Variants in PDE4D observed in about 807,000 individuals in gnomAD.
PDE4D encodes the protein 3',5'-cyclic-AMP phosphodiesterase 4D.
A neutral mutation model predicts 87.4 loss-of-function variants in PDE4D; 24 were observed. That is an observed-to-expected ratio of 0.27 (90% CI 0.20 to 0.39). The LOEUF (loss-of-function observed/expected upper bound fraction) is 0.39, where lower values mean the gene tolerates loss of function less well. Ranked by LOEUF, PDE4D falls within the 10% of genes least tolerant of loss-of-function variation. The pLI is 1.00. For missense variants in PDE4D, 714 were observed against 1,041.0 expected (o/e 0.69, Z 4.32); for synonymous variants, 384 against 383.2 (o/e 1.00, Z -0.02).
chr5:60,038,499 C>G (rs1414950318), intron 2 of PDE4D, among the ~76,000 whole-genome samples: 6 of 151,998 alleles, frequency 3.9e-5, no homozygotes, highest in South Asian at 2.1e-4. Flanking sequence ...TGTTTTGGTA[C>G]CAGTACCATG....
chr5:59,583,662 C>T (rs940647215), intron 1 of PDE4D, among the ~76,000 whole-genome samples: 1 of 152,184 alleles, frequency 6.6e-6, no homozygotes, highest in Admixed American at 6.5e-5. Context: ...AACTTTAACT[C>T]ATAACTGATA....
chr5:58,981,679 A>G (rs942423510), intron 11 of PDE4D, among the ~76,000 whole-genome samples: 2 of 152,140 alleles, frequency 1.3e-5, no homozygotes, highest in African/African-American at 4.8e-5. Context: ...ACCTTCTTTT[A>G]CTACTCATTC....
rs1354697010 is a variant in PDE4D, at chr5:59,256,875, G to A, written c.456-40907C>T. ...ATTATATAACCTCTATAGATGAAAA[G>A]TATGGCATACGAGTTATATCTCAAT... On this transcript the variant is annotated intron_variant, in intron 1 of 14. Transcript: ENST00000340635. 2.0e-5 allele frequency among the ~76,000 whole-genome samples: 3 copies of A among 152,026 alleles called. No homozygotes were observed. The South Asian group carries it at 6.2e-4, about 32-fold the overall frequency.
chr5:60,022,459 C>T (rs1050691179), intron 2 of PDE4D: 20 of 152,106 alleles, frequency 1.3e-4, no homozygotes, highest in Admixed American at 2.6e-4. Context: ...TAAATGTTTT[C>T]CTTTAATCAT....
Position 59,298,139 on chromosome 5 carries a change from CAG to C in PDE4D, c.456-82173_456-82172del, listed in dbSNP as rs745396713. On this transcript the variant is annotated intron_variant, in intron 1 of 14. Transcript: ENST00000340635. ...TTTTTTTTTTTTTTTTTTTTTGAGACAGAGTGTCACTCTGTTGTCTAGGTTGG... is the reference window on the plus strand; with the variant it reads ...TTTTTTTTTTTTTTTTTTTTTGAGACAGTGTCACTCTGTTGTCTAGGTTGG... 7.7e-3 allele frequency among the ~76,000 whole-genome samples: 944 copies of C among 122,198 alleles called. 10 individuals are homozygous for C. Among genetic ancestry groups the C allele is most frequent in the Non-Finnish European group, 0.012 (712 of 58,390 alleles). The allele number at this position is 122,198 out of a possible 152,430, so 80.2% of individuals were successfully genotyped here. A position where few individuals can be genotyped will look rare whatever the true frequency, so the allele number is the denominator to read the frequency against.
At chr5:59,618,470 CG>C (rs1829972151) in intron 1 of PDE4D, among the ~76,000 whole-genome samples, 1 of 152,102 alleles carries the variant, frequency 6.6e-6, no homozygotes, top group South Asian at 2.1e-4. Context: ...GAACAGGCGT[CG>C]GGTTCTGATG....
At chr5:59,599,500 C>T (rs144362616) in intron 1 of PDE4D, among the ~76,000 whole-genome samples, 151 of 152,080 alleles carry the variant, frequency 9.9e-4, no homozygotes, top group African/African-American at 3.3e-3. Flanking sequence ...CTTGGTCTCC[C>T]AAAGTGTAAA....
At chr5:59,470,632 T>A (rs1467089396) in intron 1 of PDE4D, among the ~76,000 whole-genome samples, 1 of 152,224 alleles carries the variant, frequency 6.6e-6, no homozygotes. Flanking sequence ...TCTTGAGCTA[T>A]TTTTATCTGA....
intron 2 of PDE4D, among the ~76,000 whole-genome samples, chr5:60,114,013 C>A (rs1172217046): frequency 6.6e-6 from 1 of 152,060 alleles, no homozygotes. Context: ...TACCTAATAA[C>A]AGTGGAAAAT....
At chr5:59,940,509 G>T (rs965625027) in intron 3 of PDE4D, among the ~76,000 whole-genome samples, 7 of 152,112 alleles carry the variant, frequency 4.6e-5, no homozygotes, top group African/African-American at 1.7e-4. Context: ...AATATGATGG[G>T]GTGGGGTGAT....
intron 2 of PDE4D, among the ~76,000 whole-genome samples, chr5:60,167,569 C>A (rs1374292829): frequency 6.6e-6 from 1 of 152,102 alleles, no homozygotes; most frequent in East Asian, 1.9e-4. Flanking sequence ...TTTACAGATT[C>A]TTTTTCTGCT....
chr5:59,239,580 G>T (rs1429945581), intron 1 of PDE4D, among the ~76,000 whole-genome samples: 1 of 152,080 alleles, frequency 6.6e-6, no homozygotes, highest in Non-Finnish European at 1.5e-5. Flanking sequence ...TACTATGCCG[G>T]ATAAAGCAAT....
intron 1 of PDE4D, among the ~76,000 whole-genome samples, chr5:60,209,187 C>CTTTTTTTTTT (rs58524375): frequency 2.3e-4 from 25 of 108,488 alleles, no homozygotes; most frequent in South Asian, 3.0e-4. Flanking sequence ...TTCTTTTTTT[C>CTTTTTTTTTT]TTTTTTTTTT....
At chr5:59,590,000 GA>G (rs1234454843) in intron 1 of PDE4D, among the ~76,000 whole-genome samples, 2 of 151,852 alleles carry the variant, frequency 1.3e-5, no homozygotes, top group African/African-American at 2.4e-5. Context: ...AGATAGCAAA[GA>G]AAAAACTGTA....
chr5:59,110,994 G>A (rs1304826734), intron 5 of PDE4D, among the ~76,000 whole-genome samples: 1 of 152,182 alleles, frequency 6.6e-6, no homozygotes, highest in Non-Finnish European at 1.5e-5. Context: ...TTATGACATT[G>A]CTCCTGTCAA....
At chr5:59,489,802 C>T (rs1192022929) in intron 1 of PDE4D, among the ~76,000 whole-genome samples, 1 of 152,146 alleles carries the variant, frequency 6.6e-6, no homozygotes. Flanking sequence ...TTGACAATAT[C>T]ATGCAATTTT....
rs951256967 is a variant in PDE4D at position 59,717,239 on chromosome 5, T to C, written c.455+175929A>G. ...TCATTTACCATGACCATCAGGCATC[T>C]GCAGGGCCTTGACCTGGAAAAGCTG... On this transcript the variant is annotated intron_variant, in intron 1 of 14. Transcript: ENST00000340635. Among the ~76,000 whole-genome samples the C allele has an allele frequency of 3.9e-5, 6 of 152,320 alleles. No individual in the cohort carries two copies. The East Asian group carries it at 9.7e-4, about 25-fold the overall frequency.
At chr5:60,282,072 G>A (rs1177848689) in intron 1 of PDE4D, among the ~76,000 whole-genome samples, 1 of 151,648 alleles carries the variant, frequency 6.6e-6, no homozygotes, top group African/African-American at 2.4e-5. Context: ...AAATAACATC[G>A]TTTTAAACAA....
At chr5:59,391,287 A>G (rs907397892) in intron 1 of PDE4D, among the ~76,000 whole-genome samples, 1 of 152,180 alleles carries the variant, frequency 6.6e-6, no homozygotes, top group Non-Finnish European at 1.5e-5. Context: ...TGAATAAGAT[A>G]TCTCCTATGA....
Sources: allele counts gnomAD v4.1 joint callset (sites outside exome capture counted in the v4.1 genomes callset), GRCh38; gene constraint gnomAD v4.1.1; transcripts MANE v1.5; gene names NCBI Gene and HGNC (gene_info 2026-07-23, HGNC 2026-07-21).